Variants in SAMD3 observed in about 807,000 individuals in gnomAD.
SAMD3 encodes the protein sterile alpha motif domain containing 3, also known as sterile alpha motif domain-containing protein 3.
SAMD3 carries 63 observed loss-of-function variants against 58.5 expected under a neutral mutation model. The ratio of observed to expected loss-of-function variants is 1.08; its 90% CI spans 0.88 to 1.33. The LOEUF (loss-of-function observed/expected upper bound fraction) is 1.33, where lower values mean the gene tolerates loss of function less well. Among genes scored for constraint, SAMD3 ranks in the 40% most tolerant of loss-of-function variants. The probability of loss-of-function intolerance (pLI) is 0.00; values close to 1 mark genes in which losing one functional copy is unlikely to be tolerated. For synonymous variants in SAMD3, 220 were observed against 210.3 expected, an observed-to-expected ratio of 1.05 and a Z score of -0.40; for missense variants, 604 against 608.4, an observed-to-expected ratio of 0.99 and a Z score of 0.08.
At chr6:130,254,057 G>C (rs752814430) in intron 2 of SAMD3, among the ~76,000 whole-genome samples, 2 of 152,042 alleles carry the variant, frequency 1.3e-5, no homozygotes, top group African/African-American at 2.4e-5. Flanking sequence ...GCAGGAGCAA[G>C]ATCATGGCTC....
At chr6:130,222,234 G>T (rs1796255164) in intron 1 of SAMD3, among the ~76,000 whole-genome samples, 1 of 152,190 alleles carries the variant, frequency 6.6e-6, no homozygotes, top group Admixed American at 6.5e-5. Context: ...TTCTAAGAAT[G>T]TGCCTAAAGA....
rs930859093 is a variant in SAMD3 at position 130,184,615 on chromosome 6, A to G, written c.392T>C (p.Val131Ala). The G allele has an allele frequency of 1.2e-6, 2 of 1,604,390 alleles. No homozygotes were observed. The highest frequency in any genetic ancestry group is 1.7e-6 in the Non-Finnish European group (2 of 1,174,578). Reference sequence around the variant, plus strand: ...TTTGCTTCTTGCTAGAATTTGTTTCACATTTCTTCTGTGAAATAAAAACAC... The same window carrying G: ...TTTGCTTCTTGCTAGAATTTGTTTCGCATTTCTTCTGTGAAATAAAAACAC... ...DQRVLKQRRN[V>A]KQILARSKAL... Residue 131 changes from valine to alanine, a missense_variant, in exon 6 of 12, where the codon GTG (valine) becomes GCG (alanine). Physicochemically the swap from Val to Ala is moderately conservative, Grantham distance 64 (BLOSUM62 0). Coordinates refer to ENST00000439090, the MANE Select transcript of SAMD3 (RefSeq NM_001017373.4).
chr6:130,249,154 G>C (rs2876096), intron 2 of SAMD3, among the ~76,000 whole-genome samples: 37,007 of 151,978 alleles, frequency 0.24, 5,913 homozygotes, highest in African/African-American at 0.45. Flanking sequence ...GAAATTCCCA[G>C]GAAAGGAAAT....
chr6:130,325,843 T>C (rs1347205464), intron 1 of SAMD3, among the ~76,000 whole-genome samples: 1 of 152,172 alleles, frequency 6.6e-6, no homozygotes, highest in Non-Finnish European at 1.5e-5. Flanking sequence ...GTAATACCGA[T>C]TTAGAGAATG....
At chr6:130,182,383 AC>A (rs1792437272) in intron 7 of SAMD3, among the ~76,000 whole-genome samples, 1 of 152,114 alleles carries the variant, frequency 6.6e-6, no homozygotes, top group Non-Finnish European at 1.5e-5. Context: ...GGCTTCAATA[AC>A]TATCATTTTT....
At chr6:130,343,061 G>T (rs931326327) in intron 1 of SAMD3, among the ~76,000 whole-genome samples, 7 of 151,620 alleles carry the variant, frequency 4.6e-5, no homozygotes, top group African/African-American at 4.8e-5. Context: ...TAGAATTACT[G>T]ATTTCTGTGT....
intron 2 of SAMD3, among the ~76,000 whole-genome samples, chr6:130,280,585 T>G (rs1324183717): frequency 6.6e-6 from 1 of 152,190 alleles, no homozygotes; most frequent in Non-Finnish European, 1.5e-5. Flanking sequence ...TTTCTCAGAC[T>G]TTTTGTTCCT....
intron 9 of SAMD3, among the ~76,000 whole-genome samples, chr6:130,153,194 C>T (rs1032763757): frequency 2.6e-5 from 4 of 151,922 alleles, no homozygotes; most frequent in African/African-American, 9.7e-5. Context: ...TGCTTTAAAA[C>T]TGTATTTTGC....
At chr6:130,265,948 A>C (rs112705125) in intron 2 of SAMD3, among the ~76,000 whole-genome samples, 1 of 152,202 alleles carries the variant, frequency 6.6e-6, no homozygotes, top group Admixed American at 6.5e-5. Flanking sequence ...TACTGGTCTC[A>C]TGTCATTTAG....
intron 5 of SAMD3, among the ~76,000 whole-genome samples, chr6:130,206,403 C>G (rs765152982): frequency 6.6e-5 from 10 of 152,160 alleles, no homozygotes; most frequent in South Asian, 2.1e-4. Flanking sequence ...GACAGGGAAG[C>G]AGAATGGAGA....
At chr6:130,264,290 C>T (rs1350720709) in intron 2 of SAMD3, among the ~76,000 whole-genome samples, 1 of 152,204 alleles carries the variant, frequency 6.6e-6, no homozygotes, top group Non-Finnish European at 1.5e-5. Flanking sequence ...AAAGGCCATC[C>T]AGCTTCCATC....
At chr6:130,338,097 C>T (rs966839557) in intron 1 of SAMD3, among the ~76,000 whole-genome samples, 2 of 152,278 alleles carry the variant, frequency 1.3e-5, no homozygotes, top group East Asian at 1.9e-4. Context: ...CCAGGGCCCC[C>T]GCTGCTTTGT....
At chr6:130,241,898 T>C (rs1773371144) in intron 2 of SAMD3, among the ~76,000 whole-genome samples, 1 of 152,200 alleles carries the variant, frequency 6.6e-6, no homozygotes, top group Non-Finnish European at 1.5e-5. Flanking sequence ...TTTTCCCACC[T>C]ATTCTACATT....
intron 1 of SAMD3, among the ~76,000 whole-genome samples, chr6:130,364,658 G>T (rs1246378162): frequency 6.6e-6 from 1 of 151,496 alleles, no homozygotes; most frequent in African/African-American, 2.4e-5. Context: ...GTTTATAAAG[G>T]TGACTCATCC....
rs1582792096 is a variant in SAMD3 at position 130,173,934 on chromosome 6, C to G, written c.822+1907G>C. The stretch of plus-strand genomic sequence containing the variant: ...TAGAGAAGCAGTCTGGCCACAGCCA[C>G]TTTGCTGTGTCCAGCCCAGACCTCC... On this transcript the variant is annotated intron_variant, in intron 8 of 11. Coordinates refer to ENST00000439090, the MANE Select transcript of SAMD3 (RefSeq NM_001017373.4). Among the ~76,000 whole-genome samples, 3 of 152,232 alleles carry G rather than the reference C, an allele frequency of 2.0e-5. No individual in the cohort carries two copies. In the South Asian group the frequency reaches 6.2e-4, roughly 32 times the overall value.
Position 130,144,400 on chromosome 6 carries a change from A to G in SAMD3, c.*120T>C. The G allele has an allele frequency of 1.2e-6, 1 of 829,292 alleles. No homozygotes were observed. Among genetic ancestry groups the G allele is most frequent in the Non-Finnish European group, 1.9e-6 (1 of 537,484 alleles). The allele number at this position is 829,292 out of a possible 1,614,324, so 51.4% of individuals were successfully genotyped here. On this transcript the variant is annotated 3_prime_UTR_variant, in exon 12 of 12. Coordinates refer to ENST00000439090, the MANE Select transcript of SAMD3 (RefSeq NM_001017373.4). ...ATAGAAAGCATTGAAATTCATTAGC[A>G]TCTATAAATACAAGATGATTTTCTC...
intron 1 of SAMD3, among the ~76,000 whole-genome samples, chr6:130,336,138 C>T (rs746111619): frequency 1.3e-5 from 2 of 152,030 alleles, no homozygotes; most frequent in Non-Finnish European, 2.9e-5. Context: ...ACATTGTGCA[C>T]ATGTACCCTA....
chr6:130,332,445 G>A (rs1326861294), intron 1 of SAMD3, among the ~76,000 whole-genome samples: 1 of 152,192 alleles, frequency 6.6e-6, no homozygotes, highest in African/African-American at 2.4e-5. Flanking sequence ...CAGTCCAATA[G>A]TTAGAATTTG....
chr6:130,206,619 T>C (rs556585228), intron 5 of SAMD3, among the ~76,000 whole-genome samples: 1 of 152,346 alleles, frequency 6.6e-6, no homozygotes, highest in African/African-American at 2.4e-5. Context: ...AGTTTACTTT[T>C]TGAAACATTA....
Sources: gnomAD v4.1 joint callset for allele counts (sites outside exome capture counted in the v4.1 genomes callset) on GRCh38, gnomAD v4.1.1 for gene constraint, MANE v1.5 for transcripts, NCBI Gene and HGNC (gene_info 2026-07-23, HGNC 2026-07-21) for gene names.